ANKRD30A: variants seen among roughly 807,000 people sequenced by gnomAD.
ANKRD30A encodes the protein ankyrin repeat domain 30A.
Under a neutral mutation model 166.3 loss-of-function variants are expected in ANKRD30A, and 170 were observed. That is an observed-to-expected ratio of 1.02 (90% CI 0.90 to 1.16). ANKRD30A has a LOEUF of 1.16. Among genes scored for constraint, ANKRD30A ranks in the 50% most tolerant of loss-of-function variants. The probability of loss-of-function intolerance (pLI) is 0.00; values close to 1 mark genes in which losing one functional copy is unlikely to be tolerated. For missense variants in ANKRD30A, 1,630 were observed against 1,518.0 expected (o/e 1.07, Z -1.23); for synonymous variants, 564 against 508.9 (o/e 1.11, Z -1.46).
At chr10:37,212,095 G>T (rs1029929755) in intron 31 of ANKRD30A, among the ~76,000 whole-genome samples, 1 of 151,894 alleles carries the variant, frequency 6.6e-6, no homozygotes, top group Non-Finnish European at 1.5e-5. Flanking sequence ...TTTTACAGAC[G>T]ACATGATTGT....
At chr10:37,130,446 G>A in intron 3 of ANKRD30A, 68 bp downstream of exon 3, 2 of 1,247,190 alleles carry the variant, frequency 1.6e-6, no homozygotes, top group South Asian at 2.5e-5. Context: ...ACATATGTAA[G>A]GTTTTTTATA....
chr10:37,165,258 T>C (rs41314954), intron 18 of ANKRD30A, 103 bp downstream of exon 18: 21,517 of 1,046,534 alleles, frequency 0.021, 551 homozygotes, highest in African/African-American at 0.12. Flanking sequence ...TGTGTCACCC[T>C]CAAATTATTT....
the ANKRD30A span, among the ~76,000 whole-genome samples, chr10:37,265,354 A>G: frequency 1.3e-5 from 2 of 152,128 alleles, no homozygotes; most frequent in Admixed American, 6.5e-5. Flanking sequence ...GGTTCATCCC[A>G]GAGACCCCAC....
At chr10:37,126,989 GA>G (rs1454320219) in intron 1 of ANKRD30A, among the ~76,000 whole-genome samples, 1 of 128,136 alleles carries the variant, frequency 7.8e-6, no homozygotes, top group Non-Finnish European at 1.6e-5. Flanking sequence ...GGAGATTGCA[GA>G]GAGCCGAGAT....
chr10:37,250,193 A>G, the ANKRD30A span, among the ~76,000 whole-genome samples: 1 of 152,154 alleles, frequency 6.6e-6, no homozygotes, highest in Non-Finnish European at 1.5e-5. Flanking sequence ...CAATGTGATG[A>G]GTCCTGGGGT....
At chr10:37,198,612 G>A (rs1030471660) in intron 29 of ANKRD30A, among the ~76,000 whole-genome samples, 21 of 151,860 alleles carry the variant, frequency 1.4e-4, no homozygotes, top group African/African-American at 4.4e-4. Context: ...GTTGCAACAC[G>A]TTGTATCTCT....
chr10:37,152,487 T>C (rs1838028401), intron 12 of ANKRD30A, among the ~76,000 whole-genome samples: 1 of 152,096 alleles, frequency 6.6e-6, no homozygotes, highest in South Asian at 2.1e-4. Flanking sequence ...ACAAAAGTTC[T>C]AATTGGATGC....
At chr10:37,162,945 A>T in intron 17 of ANKRD30A, 97 bp downstream of exon 17, 1 of 1,450,344 alleles carries the variant, frequency 6.9e-7, no homozygotes, top group South Asian at 1.3e-5. Context: ...TTCAACTTTG[A>T]TGAAAAGATT....
At chr10:37,218,265 T>C (rs1207269034) in intron 33 of ANKRD30A, among the ~76,000 whole-genome samples, 2 of 150,986 alleles carry the variant, frequency 1.3e-5, no homozygotes, top group East Asian at 3.9e-4. Flanking sequence ...TAGGGCTCTC[T>C]AGATTTTATC....
chr10:37,191,399 T>G (rs569795259), intron 25 of ANKRD30A, among the ~76,000 whole-genome samples: 12 of 152,154 alleles, frequency 7.9e-5, no homozygotes, highest in Non-Finnish European at 1.3e-4. Context: ...ACTGTGTGGC[T>G]TCTCAATGAC....
At chr10:37,260,106 A>G in the ANKRD30A span, among the ~76,000 whole-genome samples, 2 of 149,008 alleles carry the variant, frequency 1.3e-5, no homozygotes, top group East Asian at 4.0e-4. Flanking sequence ...CCTTTTGTGT[A>G]TGTTTGAAAT....
rs1274025146 is a variant in ANKRD30A, at chr10:37,197,268, T to G, written c.2615-13T>G. 1 of 1,611,878 alleles carries G rather than the reference T, an allele frequency of 6.2e-7. No individual in the cohort carries two copies. The highest frequency in any genetic ancestry group is 8.5e-7 in the Non-Finnish European group (1 of 1,178,850). On this transcript the variant is annotated splice_polypyrimidine_tract_variant and intron_variant, in intron 27 of 35. Coordinates refer to ENST00000361713, the MANE Select transcript of ANKRD30A (RefSeq NM_052997.3). ...TTACTTATGATTGATGATAAATCTC[T>G]TTTGCTTTTTAGAGCCTCCCGAGAA...
At chr10:37,161,957 T>C (rs1339360368) in intron 15 of ANKRD30A, among the ~76,000 whole-genome samples, 1 of 152,148 alleles carries the variant, frequency 6.6e-6, no homozygotes, top group African/African-American at 2.4e-5. Context: ...TATAAAAAAG[T>C]TATTTATGTT....
chr10:37,167,248 C>T (rs1564519479), intron 19 of ANKRD30A, among the ~76,000 whole-genome samples: 1 of 146,544 alleles, frequency 6.8e-6, no homozygotes, highest in Non-Finnish European at 1.5e-5. Flanking sequence ...GACTAAACCT[C>T]AGTGACTCAT....
chr10:37,144,352 A>T (rs1254547147), intron 7 of ANKRD30A, among the ~76,000 whole-genome samples: 1 of 152,170 alleles, frequency 6.6e-6, no homozygotes, highest in African/African-American at 2.4e-5. Flanking sequence ...CCAAGGAGGC[A>T]CAAGTTGATT....
At chr10:37,183,416 C>T (rs1347875778) in intron 24 of ANKRD30A, among the ~76,000 whole-genome samples, 5 of 146,424 alleles carry the variant, frequency 3.4e-5, no homozygotes, top group Admixed American at 6.9e-5. Flanking sequence ...TTCAAAAATG[C>T]ATAAGGTTTT....
intron 34 of ANKRD30A, among the ~76,000 whole-genome samples, chr10:37,220,139 A>G (rs1842837309): frequency 6.7e-6 from 1 of 149,548 alleles, no homozygotes; most frequent in South Asian, 2.1e-4. Flanking sequence ...ACTTTGAGTA[A>G]AGACATTGTG....
intron 31 of ANKRD30A, among the ~76,000 whole-genome samples, chr10:37,208,069 G>GA (rs1007980349): frequency 5.9e-5 from 9 of 151,510 alleles, no homozygotes; most frequent in South Asian, 4.2e-4. Context: ...CTTTTTAGAA[G>GA]AAAAAAAAAT....
intron 9 of ANKRD30A, among the ~76,000 whole-genome samples, chr10:37,148,744 C>T (rs567333830): frequency 2.0e-5 from 3 of 152,096 alleles, no homozygotes; most frequent in Non-Finnish European, 4.4e-5. Flanking sequence ...TTGATGTTAG[C>T]TATTCAAGTG....
Sources: gnomAD v4.1 joint callset for allele counts (sites outside exome capture counted in the v4.1 genomes callset) on GRCh38, gnomAD v4.1.1 for gene constraint, MANE v1.5 for transcripts, NCBI Gene and HGNC (gene_info 2026-07-23, HGNC 2026-07-21) for gene names.